DNAH11: variants seen among roughly 807,000 people sequenced by gnomAD.
DNAH11 encodes the protein dynein axonemal heavy chain 11, also known as axonemal beta dynein heavy chain 11.
In DNAH11, 442 loss-of-function variants were observed where a neutral mutation model predicts 526.0. That is an observed-to-expected ratio of 0.84 (90% confidence interval 0.78 to 0.91). The LOEUF is 0.91. Ranked by LOEUF, DNAH11 falls within the 40% of genes least tolerant of loss-of-function variation. DNAH11 has a pLI of 0.00. For missense variants in DNAH11, 6,989 were observed against 5,448.7 expected (o/e 1.28, Z -8.90); for synonymous variants, 2,461 against 1,935.9 (o/e 1.27, Z -7.12).
chr7:21,826,886 T>A (rs1790323813), intron 65 of DNAH11, among the ~76,000 whole-genome samples: 2 of 152,250 alleles, frequency 1.3e-5, no homozygotes, highest in Non-Finnish European at 2.9e-5. Flanking sequence ...GTTGTTGTTG[T>A]TGTTGTTTAA....
In DNAH11 at chr7:21,571,902, A is replaced by C. The variant is rs1783905810; in HGVS notation, c.1522A>C (p.Ser508Arg). ...AILNGQVHEM[S>R]EELMELCKLF... ...TTTAAATGGACAAGTCCACGAGATG[A>C]GTGAAGAACTTATGGAACTCTGTAA... is the stretch of plus-strand genomic sequence containing the variant. The change falls in exon 8 of 82, where the codon AGT becomes CGT. Residue 508 changes from serine to arginine, a missense_variant. Ser to Arg is a moderately radical substitution (Grantham distance 110). Transcript: ENST00000409508. The C allele has an allele frequency of 6.2e-7, 1 of 1,612,760 alleles. No individual in the cohort carries two copies. The highest frequency in any genetic ancestry group is 8.5e-7 in the Non-Finnish European group (1 of 1,179,426).
In DNAH11 at chr7:21,721,562, C is replaced by G. The variant is rs1237604353; in HGVS notation, c.7266+706C>G. ...TTGAGTTCCAGCAAGGACTCTCTTCCCACCTTTCAGACCGCCACTTTCCCG... is the reference window on the plus strand; with the variant it reads ...TTGAGTTCCAGCAAGGACTCTCTTCGCACCTTTCAGACCGCCACTTTCCCG... On this transcript the variant is annotated intron_variant, in intron 44 of 81. Transcript: ENST00000409508. 2.6e-5 allele frequency among the ~76,000 whole-genome samples: 4 copies of G among 152,164 alleles called. No individual in the cohort carries two copies. The South Asian group carries it at 8.3e-4, about 32-fold the overall frequency.
intron 81 of DNAH11, 167 bp from the exon 82 acceptor site, chr7:21,900,840 A>G: frequency 8.8e-7 from 1 of 1,134,870 alleles, no homozygotes; most frequent in Non-Finnish European, 1.2e-6. Context: ...AGGCAGGGTA[A>G]CCTACCTTTC....
intron 9 of DNAH11, 49 bp downstream of exon 9, chr7:21,582,070 AGGC>A: frequency 1.6e-6 from 2 of 1,212,968 alleles, no homozygotes; most frequent in Non-Finnish European, 2.4e-6. Context: ...TGAATAATAT[AGGC>A]TGTTAAATGA....
chr7:21,791,645 T>C (rs1477081314), intron 61 of DNAH11, among the ~76,000 whole-genome samples: 1 of 152,178 alleles, frequency 6.6e-6, no homozygotes, highest in African/African-American at 2.4e-5. Context: ...TTACATTAGC[T>C]AGAAGGGAGT....
chr7:21,594,098 A>ACACACACACACT lies in DNAH11; in HGVS notation c.2667+2522_2667+2523insACACACACACTC, dbSNP rs534629301. On this transcript the variant is annotated intron_variant, in intron 14 of 81. Coordinates refer to ENST00000409508, the MANE Select transcript of DNAH11 (RefSeq NM_001277115.2). ...CACACACACACACACACACACACACACTCTGAAGCCATCATGAAGTAGCAC... is the reference window on the plus strand; with the variant it reads ...CACACACACACACACACACACACACACACACACACACTCTCTGAAGCCATCATGAAGTAGCAC... Among the ~76,000 whole-genome samples, 612 of 148,010 alleles carry ACACACACACACT rather than the reference A, an allele frequency of 4.1e-3. 6 individuals are homozygous for ACACACACACACT. Among genetic ancestry groups the ACACACACACACT allele is most frequent in the East Asian group, 0.037 (184 of 4,910 alleles).
intron 73 of DNAH11, among the ~76,000 whole-genome samples, chr7:21,870,753 G>A (rs1215609319): frequency 6.6e-6 from 1 of 152,140 alleles, no homozygotes; most frequent in Non-Finnish European, 1.5e-5. Flanking sequence ...ATCTTATTTT[G>A]TCAAGGATCT....
chr7:21,602,557 TTG>T (rs60703018), intron 18 of DNAH11, among the ~76,000 whole-genome samples: 14,054 of 148,806 alleles, frequency 0.094, 648 homozygotes, highest in Middle Eastern at 0.14. Context: ...ATTTTATAGA[TTG>T]TGTGTGTGTG....
intron 62 of DNAH11, among the ~76,000 whole-genome samples, chr7:21,805,873 C>G (rs1181022401): frequency 6.6e-6 from 1 of 152,136 alleles, no homozygotes; most frequent in Admixed American, 6.5e-5. Context: ...GAACAGGAGA[C>G]AGTTAACTTC....
At chr7:21,854,083 C>G (rs1025546678) in intron 67 of DNAH11, among the ~76,000 whole-genome samples, 3 of 152,156 alleles carry the variant, frequency 2.0e-5, no homozygotes, top group South Asian at 2.1e-4. Flanking sequence ...AATCTGTAAC[C>G]TAGAAAACCG....
At chr7:21,765,297 C>A in intron 54 of DNAH11, 131 bp from the exon 55 acceptor site, 1 of 1,327,938 alleles carries the variant, frequency 7.5e-7, no homozygotes, top group African/African-American at 1.4e-5. Context: ...TTGCTGTCCA[C>A]TCTCTAGGGC....
intron 39 of DNAH11, 99 bp from the exon 40 acceptor site, chr7:21,707,600 G>A (rs1306957142): frequency 7.1e-7 from 1 of 1,406,646 alleles, no homozygotes; most frequent in Non-Finnish European, 9.5e-7. Flanking sequence ...CAGCATCTAG[G>A]AACATATAAT....
chr7:21,704,442 G>A lies in DNAH11; in HGVS notation c.6282G>A (p.Met2094Ile), dbSNP rs1784183245. The A allele has an allele frequency of 6.2e-7, 1 of 1,612,782 alleles. No individual in the cohort carries two copies. The highest frequency in any genetic ancestry group is 8.5e-7 in the Non-Finnish European group (1 of 1,179,326). The change falls in exon 38 of 82, where the codon ATG becomes ATA. Residue 2094 changes from methionine to isoleucine, a missense_variant. Physicochemically the swap from Met to Ile is conservative, Grantham distance 10. Coordinates refer to ENST00000409508, the MANE Select transcript of DNAH11 (RefSeq NM_001277115.2). ...DKNRPEDQVL[M>I]RALRDFNMPK... ...AATGTTTTTTTTTCTAGGTACTCAT[G>A]AGAGCATTAAGGGATTTCAATATGC...
intron 28 of DNAH11, among the ~76,000 whole-genome samples, chr7:21,640,163 A>G (rs904232291): frequency 6.6e-6 from 1 of 152,194 alleles, no homozygotes; most frequent in Non-Finnish European, 1.5e-5. Flanking sequence ...ATTCATGCTA[A>G]TTTCCAGATG....
chr7:21,708,477 C>T (rs1784351509), intron 40 of DNAH11, among the ~76,000 whole-genome samples: 1 of 152,188 alleles, frequency 6.6e-6, no homozygotes, highest in Admixed American at 6.6e-5. Context: ...GTAATCTCCT[C>T]CTGCTGGTTT....
chr7:21,750,015 G>A lies in DNAH11; in HGVS notation c.8798-207G>A, dbSNP rs1005954421. ...AGTGAAGTAAATGTTATTCTTACAC[G>A]TACGGGTGTAGAGGGTGTGTTCACC... is the stretch of plus-strand genomic sequence containing the variant. On this transcript the variant is annotated intron_variant, in intron 53 of 81. Coordinates refer to ENST00000409508, the MANE Select transcript of DNAH11 (RefSeq NM_001277115.2). 3.9e-5 allele frequency among the ~76,000 whole-genome samples: 6 copies of A among 152,276 alleles called. No homozygotes were observed. In the East Asian group the frequency reaches 7.7e-4, roughly 20 times the overall value.
At chr7:21,597,543 G>A (rs1419646493) in intron 14 of DNAH11, among the ~76,000 whole-genome samples, 1 of 152,170 alleles carries the variant, frequency 6.6e-6, no homozygotes, top group Non-Finnish European at 1.5e-5. Flanking sequence ...AGAAGGCAAA[G>A]GGGAAGCAAG....
intron 42 of DNAH11, among the ~76,000 whole-genome samples, chr7:21,714,108 C>G (rs1304254739): frequency 2.6e-5 from 4 of 152,172 alleles, no homozygotes; most frequent in Non-Finnish European, 5.9e-5. Context: ...CAGTCTCAGT[C>G]CTATCCTGTG....
At chr7:21,613,242 C>G (rs1785607335) in intron 20 of DNAH11, among the ~76,000 whole-genome samples, 1 of 151,952 alleles carries the variant, frequency 6.6e-6, no homozygotes, top group Non-Finnish European at 1.5e-5. Flanking sequence ...CTGCATTTCA[C>G]AAACATAAAT....
Sources: allele counts gnomAD v4.1 joint callset (sites outside exome capture counted in the v4.1 genomes callset), GRCh38; gene constraint gnomAD v4.1.1; transcripts MANE v1.5; gene names NCBI Gene and HGNC (gene_info 2026-07-23, HGNC 2026-07-21).